TMEFF2: variants seen among roughly 807,000 people sequenced by gnomAD.
TMEFF2 encodes tomoregulin-2.
Under a neutral mutation model 53.8 loss-of-function variants are expected in TMEFF2, and 28 were observed. The ratio of observed to expected loss-of-function variants is 0.52; its 90% CI spans 0.39 to 0.71. TMEFF2 has a LOEUF of 0.71. Ranked by LOEUF, TMEFF2 falls within the 30% of genes least tolerant of loss-of-function variation. TMEFF2 has a pLI of 0.00. For missense variants in TMEFF2, 353 were observed against 455.2 expected (o/e 0.78, Z 2.04); for synonymous variants, 162 against 166.3 (o/e 0.97, Z 0.20).
At chr2:192,058,975 TTTTG>T (rs1687981532) in intron 4 of TMEFF2, among the ~76,000 whole-genome samples, 3 of 152,146 alleles carry the variant, frequency 2.0e-5, no homozygotes, top group South Asian at 2.1e-4. Context: ...TTCATTTCTT[TTTTG>T]TTTATTGACA....
chr2:192,008,835 C>T (rs1686562397), intron 5 of TMEFF2, among the ~76,000 whole-genome samples: 1 of 152,196 alleles, frequency 6.6e-6, no homozygotes, highest in African/African-American at 2.4e-5. Flanking sequence ...GTTTTACCAA[C>T]TGGCCCTCTG....
chr2:192,044,336 T>C (rs2105888917), intron 5 of TMEFF2: 1 of 152,312 alleles, frequency 6.6e-6, no homozygotes, highest in South Asian at 2.1e-4. Flanking sequence ...GAATGAATTT[T>C]CAAGAAAATT....
rs537018529 is a variant in TMEFF2 at position 192,104,115 on chromosome 2, G to C, written c.440-46340C>G. 3.9e-5 allele frequency among the ~76,000 whole-genome samples: 6 copies of C among 152,232 alleles called. No homozygotes were observed. In the South Asian group the frequency reaches 1.2e-3, roughly 32 times the overall value. ...AGACTATTTTAACAATCCAGAGAGA[G>C]AACAAGAGATAAAATGTTGATGTTG... On this transcript the variant is annotated intron_variant, in intron 4 of 9. Coordinates refer to ENST00000272771, the MANE Select transcript of TMEFF2 (RefSeq NM_016192.4).
intron 2 of TMEFF2, among the ~76,000 whole-genome samples, 167 bp from the exon 3 acceptor site, chr2:192,184,650 G>A (rs1691268564): frequency 6.6e-6 from 1 of 152,110 alleles, no homozygotes; most frequent in East Asian, 1.9e-4. Flanking sequence ...GATGCACAAA[G>A]CCAATTTCAA....
chr2:192,187,122 C>T (rs958422996), intron 2 of TMEFF2, among the ~76,000 whole-genome samples: 17 of 152,198 alleles, frequency 1.1e-4, no homozygotes, highest in African/African-American at 3.1e-4. Flanking sequence ...GAAGGAAGCA[C>T]GCTGTAAATC....
chr2:192,014,547 A>G (rs1349492257), intron 5 of TMEFF2, among the ~76,000 whole-genome samples: 2 of 152,180 alleles, frequency 1.3e-5, no homozygotes, highest in Non-Finnish European at 2.9e-5. Flanking sequence ...ATATGACTCA[A>G]TATTTATTCC....
chr2:192,014,399 T>A (rs1371693375), intron 5 of TMEFF2, among the ~76,000 whole-genome samples: 1 of 152,226 alleles, frequency 6.6e-6, no homozygotes. Context: ...TTTTTCATTG[T>A]CATGCCCAAA....
chr2:192,089,643 T>C (rs967497493), intron 4 of TMEFF2, among the ~76,000 whole-genome samples: 14 of 152,248 alleles, frequency 9.2e-5, no homozygotes, highest in African/African-American at 3.4e-4. Flanking sequence ...AGACTGAACC[T>C]GCATGTAGCC....
chr2:191,984,479 G>GA (rs561881787), intron 7 of TMEFF2, among the ~76,000 whole-genome samples: 67 of 152,062 alleles, frequency 4.4e-4, no homozygotes, highest in South Asian at 2.7e-3. Flanking sequence ...TATTCATTGA[G>GA]AAAAAAATCT....
chr2:192,136,666 CCTCT>C (rs1350843667), intron 4 of TMEFF2, among the ~76,000 whole-genome samples: 1 of 152,044 alleles, frequency 6.6e-6, no homozygotes, highest in Non-Finnish European at 1.5e-5. Flanking sequence ...TTCCCTTCTT[CCTCT>C]CTTTCTCCTC....
At chr2:192,143,606 G>A (rs1690186683) in intron 4 of TMEFF2, among the ~76,000 whole-genome samples, 1 of 151,996 alleles carries the variant, frequency 6.6e-6, no homozygotes, top group African/African-American at 2.4e-5. Flanking sequence ...TATCATGGAT[G>A]GCTAGACAGT....
chr2:192,126,521 CA>C (rs1432666615), intron 4 of TMEFF2, among the ~76,000 whole-genome samples: 14 of 152,128 alleles, frequency 9.2e-5, no homozygotes, highest in African/African-American at 3.1e-4. Flanking sequence ...TTAAAACTGT[CA>C]GTCCCAAACT....
chr2:192,086,626 TAATC>T (rs1412724993), intron 4 of TMEFF2, among the ~76,000 whole-genome samples: 1 of 152,084 alleles, frequency 6.6e-6, no homozygotes, highest in African/African-American at 2.4e-5. Context: ...TTCATAGTAA[TAATC>T]AAATTTTATG....
chr2:192,163,446 C>A (rs928019216), intron 4 of TMEFF2, among the ~76,000 whole-genome samples: 3 of 152,156 alleles, frequency 2.0e-5, no homozygotes, highest in African/African-American at 7.2e-5. Flanking sequence ...TGTTACATAT[C>A]CTACATAGAA....
chr2:192,173,467 T>A (rs1022215363), intron 4 of TMEFF2, among the ~76,000 whole-genome samples: 3 of 151,718 alleles, frequency 2.0e-5, no homozygotes, highest in African/African-American at 7.2e-5. Context: ...AAAAGTTTAA[T>A]CCCCTAAGAA....
At chr2:192,176,820 TC>T (rs1267588944) in intron 4 of TMEFF2, 1 of 151,182 alleles carries the variant, frequency 6.6e-6, no homozygotes. Flanking sequence ...TAATATTCAT[TC>T]ACGCTAAAAT....
At chr2:192,105,343 A>G (rs1362280979) in intron 4 of TMEFF2, among the ~76,000 whole-genome samples, 2 of 151,990 alleles carry the variant, frequency 1.3e-5, no homozygotes, top group African/African-American at 4.8e-5. Flanking sequence ...TCTATCAAGT[A>G]ATGAGCCTGT....
chr2:191,999,194 A>T lies in TMEFF2; in HGVS notation c.551T>A (p.Ile184Asn), dbSNP rs773109446. 6.2e-7 allele frequency: 1 copy of T among 1,604,902 alleles called. No individual in the cohort carries two copies. Among genetic ancestry groups the T allele is most frequent in the Non-Finnish European group, 8.5e-7 (1 of 1,173,700 alleles). ...DAEDVWCVCNIDCSQTNFNPL... is the reference protein window; with the variant it reads ...DAEDVWCVCNNDCSQTNFNPL... The stretch of plus-strand genomic sequence containing the variant: ...ATTGAAGTTGGTTTGAGAACAGTCA[A>T]TATTACACACACACCTAAAAAAAGA... Residue 184 changes from isoleucine to asparagine, a missense_variant, in exon 6 of 10, where the codon ATT becomes AAT. Physicochemically the swap from Ile to Asn is moderately radical, Grantham distance 149 (BLOSUM62 -3). Transcript: ENST00000272771.
intron 4 of TMEFF2, among the ~76,000 whole-genome samples, chr2:192,069,400 A>C (rs552207728): frequency 1.1e-3 from 164 of 151,878 alleles, no homozygotes; most frequent in Middle Eastern, 3.4e-3. Flanking sequence ...ATCACACACA[A>C]AAAAAATAGA....
Sources: gnomAD v4.1 joint callset for allele counts (sites outside exome capture counted in the v4.1 genomes callset) on GRCh38, gnomAD v4.1.1 for gene constraint, MANE v1.5 for transcripts, NCBI Gene and HGNC (gene_info 2026-07-23, HGNC 2026-07-21) for gene names.